Variants in BICRAL observed in about 807,000 individuals in gnomAD.
The protein encoded by BICRAL is BICRA like chromatin remodeling complex associated protein, also known as BRD4-interacting chromatin-remodeling complex-associated protein-like.
A neutral mutation model predicts 91.8 loss-of-function variants in BICRAL; 8 were observed. The ratio of observed to expected loss-of-function variants is 0.09; its 90% CI spans 0.05 to 0.16. The LOEUF is 0.16. BICRAL is among the 10% of genes least tolerant of loss of function. The pLI, the probability that BICRAL is intolerant of heterozygous loss-of-function variation, is 1.00. For synonymous variants in BICRAL, 445 were observed against 491.1 expected (o/e 0.91, Z 1.24); for missense variants, 1,038 against 1,310.9 (o/e 0.79, Z 3.21).
chr6:42,798,419 G>A (rs1266551197), intron 1 of BICRAL, among the ~76,000 whole-genome samples: 18 of 152,042 alleles, frequency 1.2e-4, no homozygotes, highest in African/African-American at 2.4e-5. Context: ...AAGGTGGGCC[G>A]GGCATGGTGG....
At chr6:42,846,585 C>T (rs1307784086) in intron 6 of BICRAL, among the ~76,000 whole-genome samples, 1 of 152,032 alleles carries the variant, frequency 6.6e-6, no homozygotes, top group African/African-American at 2.4e-5. Flanking sequence ...CTGATTAGGC[C>T]ACTTGTGGTT....
intron 5 of BICRAL, among the ~76,000 whole-genome samples, 155 bp downstream of exon 5, chr6:42,823,158 C>T (rs1185861039): frequency 1.3e-5 from 2 of 152,156 alleles, no homozygotes; most frequent in Non-Finnish European, 2.9e-5. Flanking sequence ...TGGGGCCTCA[C>T]TCTGTCGCCC....
chr6:42,831,726 C>A (rs945039476), intron 6 of BICRAL, among the ~76,000 whole-genome samples: 2 of 149,852 alleles, frequency 1.3e-5, no homozygotes, highest in Admixed American at 1.3e-4. Context: ...TGTTTATATA[C>A]GTCAACATAT....
intron 1 of BICRAL, among the ~76,000 whole-genome samples, chr6:42,809,071 T>C (rs527665412): frequency 7.2e-5 from 11 of 152,174 alleles, no homozygotes; most frequent in Middle Eastern, 3.4e-3. Flanking sequence ...GTTTTTTTAA[T>C]ACTTTAAGTT....
chr6:42,818,440 C>T (rs1764054924), intron 2 of BICRAL, among the ~76,000 whole-genome samples: 1 of 151,986 alleles, frequency 6.6e-6, no homozygotes, highest in Non-Finnish European at 1.5e-5. Context: ...TATAGGAGCT[C>T]TTTGTGTATT....
intron 1 of BICRAL, among the ~76,000 whole-genome samples, chr6:42,749,631 A>G (rs1243893614): frequency 4.6e-5 from 7 of 152,174 alleles, no homozygotes. Context: ...GCATGTATCA[A>G]AATATCACAT....
intron 1 of BICRAL, among the ~76,000 whole-genome samples, chr6:42,805,468 G>C (rs1763678811): frequency 6.6e-6 from 1 of 152,218 alleles, no homozygotes; most frequent in Non-Finnish European, 1.5e-5. Context: ...TTGGAAAACT[G>C]AGGTTTTCAA....
Position 42,856,029 on chromosome 6 carries a change from T to C in BICRAL, c.2108+112T>C, listed in dbSNP as rs907106677. 175 of 900,296 alleles carry C rather than the reference T, an allele frequency of 1.9e-4. 1 individual carries two copies. The East Asian group carries it at 4.0e-3, about 21-fold the overall frequency. 55.8% of individuals were successfully genotyped at this position (900,296 alleles called of 1,614,324 possible). On this transcript the variant is annotated intron_variant, in intron 9 of 12. Coordinates refer to ENST00000314073, the MANE Select transcript of BICRAL (RefSeq NM_001393499.1). ...ATAATAATGAGTATATTAGCCTTTT[T>C]AAAAATGTACTTTGAGGCAAGGCAT...
chr6:42,770,711 C>A (rs1018038180), intron 1 of BICRAL, among the ~76,000 whole-genome samples: 11 of 150,854 alleles, frequency 7.3e-5, no homozygotes, highest in African/African-American at 2.2e-4. Flanking sequence ...CCACCCCACC[C>A]GGTCAGTGTT....
chr6:42,847,769 A>G (rs1478253634), intron 6 of BICRAL, among the ~76,000 whole-genome samples: 1 of 152,038 alleles, frequency 6.6e-6, no homozygotes, highest in African/African-American at 2.4e-5. Flanking sequence ...CTAAAAATAC[A>G]AAAATTAGCC....
chr6:42,795,292 A>G (rs1763389478), intron 1 of BICRAL, among the ~76,000 whole-genome samples: 1 of 152,084 alleles, frequency 6.6e-6, no homozygotes, highest in Non-Finnish European at 1.5e-5. Context: ...TTAGCTGGGC[A>G]TAATGGTGCA....
chr6:42,804,974 T>C (rs1377710891), intron 1 of BICRAL, among the ~76,000 whole-genome samples: 1 of 152,202 alleles, frequency 6.6e-6, no homozygotes, highest in Non-Finnish European at 1.5e-5. Flanking sequence ...AGTGCTGGGA[T>C]TACAGGCGGG....
chr6:42,849,760 A>G lies in BICRAL; in HGVS notation c.1840-2332A>G, dbSNP rs1562493471. On this transcript the variant is annotated intron_variant, in intron 6 of 12. Coordinates refer to ENST00000314073, the MANE Select transcript of BICRAL (RefSeq NM_001393499.1). ...GGCCTAGAACAGAAATGTTAACATA[A>G]GTTTAGTTTGGTCGGATGCAGTGGC... Among the ~76,000 whole-genome samples the G allele has an allele frequency of 2.0e-5, 3 of 150,610 alleles. No individual in the cohort carries two copies. The South Asian group carries it at 6.6e-4, about 33-fold the overall frequency.
intron 10 of BICRAL, among the ~76,000 whole-genome samples, chr6:42,859,903 C>T (rs934996488): frequency 1.3e-5 from 2 of 152,104 alleles, no homozygotes; most frequent in African/African-American, 4.8e-5. Context: ...CCTCGGCCTC[C>T]CAAAGTGCTG....
intron 6 of BICRAL, among the ~76,000 whole-genome samples, chr6:42,845,758 A>G (rs907940423): frequency 6.6e-6 from 1 of 152,032 alleles, no homozygotes; most frequent in Non-Finnish European, 1.5e-5. Context: ...TCAACTGGAA[A>G]GCTTTAAAAA....
chr6:42,793,122 A>ATTTTTTTTTTTTT lies in BICRAL; in HGVS notation c.-102+11048_-102+11060dup, dbSNP rs1159342197. Among the ~76,000 whole-genome samples the ATTTTTTTTTTTTT allele has an allele frequency of 3.8e-4, 14 of 37,254 alleles. 3 individuals carry two copies. Among genetic ancestry groups the ATTTTTTTTTTTTT allele is most frequent in the Non-Finnish European group, 6.3e-4 (13 of 20,498 alleles). The allele number at this position is 37,254 out of a possible 152,430, so 24.4% of individuals were successfully genotyped here. On this transcript the variant is annotated intron_variant, in intron 1 of 12. Coordinates refer to ENST00000314073, the MANE Select transcript of BICRAL (RefSeq NM_001393499.1). ...AAGCGCATGCCACCATGCCCAGCTAATTTTTTTTTTTTTTTTTTTTTTTTT... is the reference window on the plus strand; with the variant it reads ...AAGCGCATGCCACCATGCCCAGCTAATTTTTTTTTTTTTTTTTTTTTTTTTTTTTTTTTTTTTT...
Position 42,800,788 on chromosome 6 carries a change from A to C in BICRAL, c.-101-9518A>C, listed in dbSNP as rs1012579856. Among the ~76,000 whole-genome samples the C allele has an allele frequency of 2.0e-5, 3 of 152,190 alleles. No individual in the cohort carries two copies. In the South Asian group the frequency reaches 6.2e-4, roughly 32 times the overall value. On this transcript the variant is annotated intron_variant, in intron 1 of 12. Transcript: ENST00000314073. Reference sequence around the variant, plus strand: ...CAGTGTATCTTCCTTGGTAACATTGACTTTGTAAAATGGAATTTTGTTTGT... The same window carrying C: ...CAGTGTATCTTCCTTGGTAACATTGCCTTTGTAAAATGGAATTTTGTTTGT...
intron 1 of BICRAL, among the ~76,000 whole-genome samples, chr6:42,747,269 G>A (rs1465177984): frequency 6.6e-6 from 1 of 152,214 alleles, no homozygotes; most frequent in African/African-American, 2.4e-5. Context: ...GGGCGCGGCA[G>A]CCTCGCATGC....
intron 1 of BICRAL, among the ~76,000 whole-genome samples, chr6:42,774,247 T>A (rs1402920401): frequency 1.3e-5 from 2 of 152,120 alleles, no homozygotes; most frequent in Non-Finnish European, 2.9e-5. Context: ...CAAGCTATCA[T>A]TTTTCTGAGC....
Sources: allele counts gnomAD v4.1 joint callset (sites outside exome capture counted in the v4.1 genomes callset), GRCh38; gene constraint gnomAD v4.1.1; transcripts MANE v1.5; gene names NCBI Gene and HGNC (gene_info 2026-07-23, HGNC 2026-07-21).